Variants in CHODL observed in about 807,000 individuals in gnomAD.
CHODL encodes transmembrane protein MT75.
CHODL carries 29 observed loss-of-function variants against 34.5 expected under a neutral mutation model. The ratio of observed to expected loss-of-function variants is 0.84; its 90% CI spans 0.63 to 1.15. The LOEUF is 1.15. Among genes scored for constraint, CHODL ranks in the 50% most tolerant of loss-of-function variants. CHODL has a pLI of 0.00. For missense variants in CHODL, 332 were observed against 332.5 expected (o/e 1.00, Z 0.01); for synonymous variants, 125 against 116.1 (o/e 1.08, Z -0.49).
chr21:17,935,348 G>T (rs1431495636), intron 1 of CHODL, among the ~76,000 whole-genome samples: 1 of 152,170 alleles, frequency 6.6e-6, no homozygotes, highest in African/African-American at 2.4e-5. Context: ...TGGCCACTCA[G>T]TTGGTAAGTG....
intron 2 of CHODL, among the ~76,000 whole-genome samples, chr21:18,142,898 T>C (rs752361315): frequency 1.3e-5 from 2 of 152,196 alleles, no homozygotes; most frequent in South Asian, 2.1e-4. Context: ...ACTTAAGTGC[T>C]TTGTGTATTT....
intron 1 of CHODL, among the ~76,000 whole-genome samples, chr21:18,013,730 G>A (rs1426092835): frequency 3.5e-5 from 5 of 144,100 alleles, no homozygotes; most frequent in Non-Finnish European, 6.0e-5. Flanking sequence ...TGCCGCCTGG[G>A]TTCAAGCAAT....
intron 2 of CHODL, among the ~76,000 whole-genome samples, chr21:18,235,331 G>A (rs1175074758): frequency 2.0e-5 from 3 of 151,776 alleles, no homozygotes; most frequent in Middle Eastern, 6.8e-3. Flanking sequence ...TTCTAATTTT[G>A]TACTAGATTT....
chr21:17,998,742 A>C (rs2063876100), intron 1 of CHODL, among the ~76,000 whole-genome samples: 3 of 152,068 alleles, frequency 2.0e-5, no homozygotes, highest in Admixed American at 2.0e-4. Context: ...TGGAGCCTTG[A>C]ACATAGAGCA....
At chr21:17,942,648 GA>G (rs1323443009) in intron 1 of CHODL, among the ~76,000 whole-genome samples, 4 of 152,142 alleles carry the variant, frequency 2.6e-5, no homozygotes, top group Non-Finnish European at 5.9e-5. Context: ...AAAACTTAAA[GA>G]TACCACAAAA....
intron 2 of CHODL, among the ~76,000 whole-genome samples, chr21:18,159,652 A>G (rs879766556): frequency 5.3e-5 from 8 of 152,202 alleles, no homozygotes; most frequent in South Asian, 2.1e-4. Context: ...GAACCTGTGA[A>G]TACTACTTTA....
intron 1 of CHODL, among the ~76,000 whole-genome samples, chr21:17,934,696 G>A (rs1262563288): frequency 6.6e-6 from 1 of 152,010 alleles, no homozygotes; most frequent in East Asian, 1.9e-4. Flanking sequence ...AATGTTAAAT[G>A]GCAAAATGTC....
At chr21:18,135,110 ACTCTCTATCTCT>A (rs2072704842) in intron 2 of CHODL, among the ~76,000 whole-genome samples, 1 of 152,056 alleles carries the variant, frequency 6.6e-6, no homozygotes, top group Admixed American at 6.6e-5. Flanking sequence ...AGTAAATGGC[ACTCTCTATCTCT>A]CTTTCTCCTA....
chr21:17,974,520 T>C (rs1246503449), intron 1 of CHODL, among the ~76,000 whole-genome samples: 1 of 152,182 alleles, frequency 6.6e-6, no homozygotes, highest in Non-Finnish European at 1.5e-5. Context: ...TCTGTCTGCC[T>C]TGGCCTCCTG....
At chr21:17,970,036 T>TG (rs2063601966) in intron 1 of CHODL, among the ~76,000 whole-genome samples, 1 of 152,190 alleles carries the variant, frequency 6.6e-6, no homozygotes, top group Non-Finnish European at 1.5e-5. Context: ...AGGTGACATC[T>TG]GGGTGCAGCT....
At chr21:17,990,778 G>A (rs550671107) in intron 1 of CHODL, among the ~76,000 whole-genome samples, 26 of 151,916 alleles carry the variant, frequency 1.7e-4, no homozygotes, top group African/African-American at 6.0e-4. Flanking sequence ...CAGTAATTAG[G>A]ATATCTGTTA....
At chr21:18,219,550 G>A (rs1183966689) in intron 2 of CHODL, among the ~76,000 whole-genome samples, 1 of 152,114 alleles carries the variant, frequency 6.6e-6, no homozygotes, top group Admixed American at 6.6e-5. Flanking sequence ...CACCAACAGA[G>A]TATGAGAGTT....
At chr21:18,219,826 TA>T (rs1299124467) in intron 2 of CHODL, among the ~76,000 whole-genome samples, 1 of 152,142 alleles carries the variant, frequency 6.6e-6, no homozygotes, top group Non-Finnish European at 1.5e-5. Context: ...ATATTAAAAT[TA>T]TTAGTCCCCT....
At chr21:18,199,427 TC>T in intron 2 of CHODL, among the ~76,000 whole-genome samples, 1 of 152,102 alleles carries the variant, frequency 6.6e-6, no homozygotes. Context: ...ATTATTAACA[TC>T]TTGATTAATG....
intron 2 of CHODL, among the ~76,000 whole-genome samples, chr21:18,137,346 T>A (rs1434377486): frequency 6.6e-6 from 1 of 152,168 alleles, no homozygotes; most frequent in African/African-American, 2.4e-5. Flanking sequence ...TAAACATAAC[T>A]ATCATAATTA....
intron 1 of CHODL, among the ~76,000 whole-genome samples, chr21:17,978,520 G>T (rs191153907): frequency 6.7e-6 from 1 of 149,774 alleles, no homozygotes; most frequent in Admixed American, 6.7e-5. Flanking sequence ...AGATCGAGAC[G>T]ATCCTGGCTA....
intron 2 of CHODL, among the ~76,000 whole-genome samples, chr21:18,196,562 A>T (rs1255458935): frequency 1.3e-5 from 2 of 152,316 alleles, no homozygotes; most frequent in African/African-American, 2.4e-5. Context: ...CGCAAACTCA[A>T]TATGAATCCA....
At position 18,147,332 on chromosome 21, in the gene CHODL, A is replaced by T. The variant is rs114489532; in HGVS notation, c.-44-109177A>T. 3.5e-3 allele frequency among the ~76,000 whole-genome samples: 529 copies of T among 152,298 alleles called. 6 individuals carry two copies. Among genetic ancestry groups the T allele is most frequent in the African/African-American group, 0.012 (507 of 41,562 alleles). The stretch of plus-strand genomic sequence containing the variant: ...AGTAGCTAGAATCTACCACATTCGA[A>T]GTAGCACCCTTCCCCTCTCCAAGCG... On this transcript the variant is annotated intron_variant, in intron 2 of 6. Transcript: ENST00000400127.
At chr21:18,100,879 AT>A (rs1295689440) in intron 2 of CHODL, among the ~76,000 whole-genome samples, 3 of 152,024 alleles carry the variant, frequency 2.0e-5, no homozygotes, top group South Asian at 2.1e-4. Context: ...TGGTCTTAAG[AT>A]TTTTTTCCCC....
Sources: gnomAD v4.1 joint callset for allele counts (sites outside exome capture counted in the v4.1 genomes callset) on GRCh38, gnomAD v4.1.1 for gene constraint, MANE v1.5 for transcripts, NCBI Gene and HGNC (gene_info 2026-07-23, HGNC 2026-07-21) for gene names.